Variants in TBX18 observed in about 807,000 individuals in gnomAD.
TBX18 encodes the protein T-box transcription factor 18, also known as T-box transcription factor TBX18.
Under a neutral mutation model 55.0 loss-of-function variants are expected in TBX18, and 21 were observed. That is an observed-to-expected ratio of 0.38 (90% CI 0.27 to 0.55). The LOEUF (loss-of-function observed/expected upper bound fraction) is 0.55, where lower values mean the gene tolerates loss of function less well. Ranked by LOEUF, TBX18 falls within the 20% of genes least tolerant of loss-of-function variation. TBX18 has a pLI of 0.73. For missense variants in TBX18, 840 were observed against 799.6 expected (o/e 1.05, Z -0.61); for synonymous variants, 342 against 326.1 (o/e 1.05, Z -0.53).
rs373783906 is a variant in TBX18, at chr6:84,761,539, T to A, written c.497+1005A>T. 2.6e-5 allele frequency among the ~76,000 whole-genome samples: 4 copies of A among 152,318 alleles called. No individual in the cohort carries two copies. The East Asian group carries it at 5.8e-4, about 22-fold the overall frequency. Reference sequence around the variant, plus strand: ...TGTAGAAGGTAGCATATGGATTCAATAAAATATGTTTTTTTGTAATTTCTA... The same window carrying A: ...TGTAGAAGGTAGCATATGGATTCAAAAAAATATGTTTTTTTGTAATTTCTA... On this transcript the variant is annotated intron_variant, in intron 2 of 7. Transcript: ENST00000369663.
chr6:84,732,966 A>T lies in TBX18; in HGVS notation c.*3719T>A, dbSNP rs1247009783. ...ACTAAAAGGAATACTAACAATTATC[A>T]TCCCAGCCATTCCTTTCACACATAG... On this transcript the variant is annotated 3_prime_UTR_variant, in exon 8 of 8. Transcript: ENST00000369663. 6.6e-6 allele frequency: 1 copy of T among 152,142 alleles called. No individual in the cohort carries two copies. Among genetic ancestry groups the T allele is most frequent in the African/African-American group, 2.4e-5 (1 of 41,450 alleles). 9.4% of individuals were successfully genotyped at this position (152,142 alleles called of 1,614,324 possible).
At chr6:84,763,761 C>T in intron 1 of TBX18, 129 bp downstream of exon 1, 1 of 1,414,690 alleles carries the variant, frequency 7.1e-7, no homozygotes, top group Non-Finnish European at 9.2e-7. Flanking sequence ...TTGCGACTGA[C>T]ACGGCCAATG....
At chr6:84,737,461 T>A in intron 7 of TBX18, 52 bp from the exon 8 acceptor site, 1 of 1,482,408 alleles carries the variant, frequency 6.7e-7, no homozygotes, top group Non-Finnish European at 9.0e-7. Flanking sequence ...TCCTTTCCTT[T>A]CAATTTTGTA....
chr6:84,743,677 AAAGT>A (rs1394956223), intron 6 of TBX18, among the ~76,000 whole-genome samples: 1 of 152,194 alleles, frequency 6.6e-6, no homozygotes, highest in Non-Finnish European at 1.5e-5. Context: ...CTTTTTGATA[AAAGT>A]AAGAGTGGAA....
intron 5 of TBX18, among the ~76,000 whole-genome samples, chr6:84,747,714 A>T (rs1767234128): frequency 6.6e-6 from 1 of 152,218 alleles, no homozygotes; most frequent in Non-Finnish European, 1.5e-5. Flanking sequence ...CAGTCACAAG[A>T]CATGGTTTGT....
At position 84,736,982 on chromosome 6, in the gene TBX18, G is replaced by A. The variant is rs1766883715; in HGVS notation, c.1527C>T (p.Ala509=). ...IMPSPSSNAF[A]TNQTHQGSYN... is the part of the protein sequence containing the mutation. ...AGGAACCCTGATGGGTCTGGTTAGT[G>A]GCGAAGGCATTGCTGGAGGGTGATG... The change falls in exon 8 of 8, where the codon GCC becomes GCT. Residue 509 remains alanine (A), a synonymous_variant. Transcript: ENST00000369663. The A allele has an allele frequency of 6.2e-7, 1 of 1,611,736 alleles. No individual in the cohort carries two copies. The highest frequency in any genetic ancestry group is 2.2e-5 in the East Asian group (1 of 44,848).
chr6:84,762,409 G>T, intron 2 of TBX18, 135 bp downstream of exon 2: 1 of 1,045,926 alleles, frequency 9.6e-7, no homozygotes, highest in Non-Finnish European at 1.5e-6. Flanking sequence ...CACGGTCTGG[G>T]GCCTGGTCCC....
At chr6:84,759,771 G>A (rs1331585377) in intron 3 of TBX18, among the ~76,000 whole-genome samples, 1 of 151,224 alleles carries the variant, frequency 6.6e-6, no homozygotes, top group African/African-American at 2.4e-5. Flanking sequence ...TTTCTTACTT[G>A]TAGAAAACCT....
chr6:84,750,941 T>C (rs1163635398), intron 4 of TBX18, among the ~76,000 whole-genome samples: 2 of 152,320 alleles, frequency 1.3e-5, no homozygotes, highest in East Asian at 3.9e-4. Context: ...TAGAAAGTGA[T>C]ATTCACTTGA....
intron 3 of TBX18, among the ~76,000 whole-genome samples, chr6:84,757,161 C>T (rs1767513205): frequency 6.6e-6 from 1 of 152,174 alleles, no homozygotes; most frequent in Non-Finnish European, 1.5e-5. Flanking sequence ...TCACCCTAGA[C>T]ATTCCATCTC....
At chr6:84,753,786 C>A (rs1325504714) in intron 4 of TBX18, among the ~76,000 whole-genome samples, 15 of 152,168 alleles carry the variant, frequency 9.9e-5, no homozygotes, top group Admixed American at 9.8e-4. Context: ...CTTCATAAAG[C>A]CTTTCCCATC....
intron 5 of TBX18, among the ~76,000 whole-genome samples, chr6:84,746,188 G>A (rs1443368873): frequency 2.0e-5 from 3 of 151,858 alleles, no homozygotes; most frequent in African/African-American, 7.3e-5. Flanking sequence ...CACAGAGGGT[G>A]GAAGAAAATA....
At position 84,763,998 on chromosome 6, in the gene TBX18, C is replaced by G. The variant is rs747606372; in HGVS notation, c.184G>C (p.Gly62Arg). 2.2e-5 allele frequency: 35 copies of G among 1,563,394 alleles called. No homozygotes were observed. Among genetic ancestry groups the G allele is most frequent in the Non-Finnish European group, 2.9e-5 (34 of 1,159,076 alleles). ...DGGCSRGGGAGEKGSSEGDEG... is the reference protein window; with the variant it reads ...DGGCSRGGGAREKGSSEGDEG... ...TCTCCCTCAGAAGAACCCTTTTCGC[C>G]CGCGCCGCCGCCGCGGCTGCAGCCT... The change falls in exon 1 of 8, where the codon GGC becomes CGC. Residue 62 changes from glycine to arginine, a missense_variant. Transcript: ENST00000369663.
At chr6:84,757,217 A>G (rs1767517726) in intron 3 of TBX18, among the ~76,000 whole-genome samples, 1 of 152,166 alleles carries the variant, frequency 6.6e-6, no homozygotes, top group Non-Finnish European at 1.5e-5. Flanking sequence ...ACACGAAAAA[A>G]CAAATAGCTT....
chr6:84,764,462 T>A lies in TBX18; in HGVS notation c.-281A>T, dbSNP rs1767761627. 5.0e-6 allele frequency: 2 copies of A among 403,418 alleles called. No homozygotes were observed. Among genetic ancestry groups the A allele is most frequent in the Non-Finnish European group, 4.4e-6 (1 of 229,498 alleles). The allele number at this position is 403,418 out of a possible 1,614,324, so 25.0% of individuals were successfully genotyped here. A position where few individuals can be genotyped will look rare whatever the true frequency, so the allele number is the denominator to read the frequency against. ...TGCTCCCACCCCTTCCACCTCCTCC[T>A]GCTGCTCCGAGGTCTGCCTCAACTG... On this transcript the variant is annotated 5_prime_UTR_variant, in exon 1 of 8. Coordinates refer to ENST00000369663, the MANE Select transcript of TBX18 (RefSeq NM_001080508.3).
intron 3 of TBX18, among the ~76,000 whole-genome samples, chr6:84,757,791 T>C (rs1767535013): frequency 1.3e-5 from 2 of 151,776 alleles, no homozygotes; most frequent in South Asian, 4.2e-4. Flanking sequence ...AATAAGCTAA[T>C]TAAAAAACTA....
chr6:84,758,301 G>A (rs143782590), intron 3 of TBX18, among the ~76,000 whole-genome samples: 43 of 151,548 alleles, frequency 2.8e-4, no homozygotes, highest in African/African-American at 9.0e-4. Flanking sequence ...CCAGCTATTC[G>A]GGAGGCTGAG....
rs1448760537 is a variant in TBX18 at position 84,734,469 on chromosome 6, T to G, written c.*2216A>C. 1.3e-5 allele frequency: 2 copies of G among 152,536 alleles called. No individual in the cohort carries two copies. The highest frequency in any genetic ancestry group is 2.9e-5 in the Non-Finnish European group (2 of 68,024). 9.4% of individuals were successfully genotyped at this position (152,536 alleles called of 1,614,324 possible). On this transcript the variant is annotated 3_prime_UTR_variant, in exon 8 of 8. Transcript: ENST00000369663. Reference sequence around the variant, plus strand: ...GTTTAATAACATATTTTAATATAATTTTAAGTACTTTTTAATAAAATACAG... The same window carrying G: ...GTTTAATAACATATTTTAATATAATGTTAAGTACTTTTTAATAAAATACAG...
intron 4 of TBX18, among the ~76,000 whole-genome samples, chr6:84,755,512 T>C (rs899350354): frequency 2.0e-5 from 3 of 152,210 alleles, no homozygotes; most frequent in African/African-American, 7.2e-5. Context: ...TGAAAAATAA[T>C]TGTTACAACT....
Sources: gnomAD v4.1 joint callset for allele counts (sites outside exome capture counted in the v4.1 genomes callset) on GRCh38, gnomAD v4.1.1 for gene constraint, MANE v1.5 for transcripts, NCBI Gene and HGNC (gene_info 2026-07-23, HGNC 2026-07-21) for gene names.